GHR: variants seen among roughly 807,000 people sequenced by gnomAD.
GHR encodes growth hormone receptor, also known as GH receptor.
A neutral mutation model predicts 67.1 loss-of-function variants in GHR; 35 were observed. The ratio of observed to expected loss-of-function variants is 0.52; its 90% confidence interval spans 0.40 to 0.69. GHR has a LOEUF of 0.69. Among genes scored for constraint, GHR ranks in the 30% least tolerant of loss-of-function variants. The pLI is 0.00. For synonymous variants in GHR, 272 were observed against 269.1 expected (o/e 1.01, Z -0.10); for missense variants, 792 against 764.6 (o/e 1.04, Z -0.42).
At chr5:42,690,295 C>A (rs1757364535) in intron 4 of GHR, among the ~76,000 whole-genome samples, 1 of 152,148 alleles carries the variant, frequency 6.6e-6, no homozygotes, top group African/African-American at 2.4e-5. Context: ...ACTTTCTCAC[C>A]AAGGAATACT....
intron 1 of GHR, among the ~76,000 whole-genome samples, chr5:42,543,999 A>G (rs1046073973): frequency 2.0e-5 from 3 of 152,078 alleles, no homozygotes; most frequent in Non-Finnish European, 4.4e-5. Flanking sequence ...TTGACCAGCT[A>G]TTCTGGCACT....
intron 3 of GHR, among the ~76,000 whole-genome samples, chr5:42,668,665 T>C (rs769925060): frequency 6.6e-6 from 1 of 152,170 alleles, no homozygotes; most frequent in Non-Finnish European, 1.5e-5. Context: ...TAAATATTAA[T>C]ATAAAAATGT....
intron 1 of GHR, among the ~76,000 whole-genome samples, chr5:42,507,929 G>A (rs1216006605): frequency 1.3e-5 from 2 of 152,216 alleles, no homozygotes; most frequent in Non-Finnish European, 2.9e-5. Flanking sequence ...GCCCGCAGCA[G>A]TCAGCCTCCT....
intron 1 of GHR, among the ~76,000 whole-genome samples, chr5:42,431,109 T>A (rs1433795551): frequency 6.6e-6 from 1 of 152,182 alleles, no homozygotes; most frequent in Admixed American, 6.5e-5. Context: ...CATTTAATTA[T>A]CAAATTTCTC....
intron 3 of GHR, among the ~76,000 whole-genome samples, chr5:42,658,600 G>A (rs1755387185): frequency 6.6e-6 from 1 of 152,160 alleles, no homozygotes; most frequent in African/African-American, 2.4e-5. Context: ...GCTTTATAAA[G>A]TGAATTATAA....
chr5:42,555,974 C>T (rs538737513), intron 1 of GHR, among the ~76,000 whole-genome samples: 2 of 152,266 alleles, frequency 1.3e-5, no homozygotes, highest in South Asian at 2.1e-4. Context: ...GTCACCAGCT[C>T]GGACAATGCT....
chr5:42,481,522 C>T (rs1339414153), intron 1 of GHR, among the ~76,000 whole-genome samples: 1 of 152,214 alleles, frequency 6.6e-6, no homozygotes, highest in African/African-American at 2.4e-5. Context: ...CTTTCAGGTA[C>T]ACCAATCAGA....
rs551424365 is a variant in GHR, at chr5:42,583,582, C to G, written c.70+17638C>G. On this transcript the variant is annotated intron_variant, in intron 2 of 9. Transcript: ENST00000230882. ...ATGATGTCTACAGACTACAGCTATG[C>G]CAGAAATCGTTAGGATGGCCTCCAG... is the stretch of plus-strand genomic sequence containing the variant. Among the ~76,000 whole-genome samples the G allele has an allele frequency of 1.1e-3, 170 of 152,248 alleles. 1 individual carries two copies. Among genetic ancestry groups the G allele is most frequent in the African/African-American group, 4.0e-3 (168 of 41,534 alleles).
chr5:42,499,890 A>C (rs1006384798), intron 1 of GHR, among the ~76,000 whole-genome samples: 2 of 152,204 alleles, frequency 1.3e-5, no homozygotes, highest in African/African-American at 2.4e-5. Flanking sequence ...AGGTCACATA[A>C]ATGTGTGAAA....
At chr5:42,649,683 G>T (rs1412217714) in intron 3 of GHR, among the ~76,000 whole-genome samples, 1 of 152,128 alleles carries the variant, frequency 6.6e-6, no homozygotes, top group African/African-American at 2.4e-5. Context: ...CTCTGGATAA[G>T]CAGCATCCTT....
chr5:42,479,090 A>G (rs1001420067), intron 1 of GHR, among the ~76,000 whole-genome samples: 3 of 152,334 alleles, frequency 2.0e-5, no homozygotes, highest in African/African-American at 7.2e-5. Flanking sequence ...AGTTTTTAGC[A>G]TGAAGCATTG....
Position 42,431,166 on chromosome 5 carries a change from T to C in GHR, c.-12+7211T>C, listed in dbSNP as rs534200670. Among the ~76,000 whole-genome samples, 21 of 152,300 alleles carry C rather than the reference T, an allele frequency of 1.4e-4. 1 individual carries two copies. The South Asian group carries it at 4.1e-3, about 30-fold the overall frequency. ...CAAAAAATGTTTGCCTATTTTATTC[T>C]CTCATCATTAATTTTTAATCAATTA... is the stretch of plus-strand genomic sequence containing the variant. On this transcript the variant is annotated intron_variant, in intron 1 of 9. Transcript: ENST00000230882.
chr5:42,596,775 C>T (rs764369836), intron 2 of GHR, among the ~76,000 whole-genome samples: 28 of 152,148 alleles, frequency 1.8e-4, no homozygotes, highest in Non-Finnish European at 2.9e-4. Flanking sequence ...TCTTCCAAAG[C>T]ACTTAGCAGG....
At chr5:42,437,936 T>A (rs941933679) in intron 1 of GHR, among the ~76,000 whole-genome samples, 1 of 152,060 alleles carries the variant, frequency 6.6e-6, no homozygotes, top group African/African-American at 2.4e-5. Context: ...CATAAGCTAC[T>A]TTTCTGACTG....
chr5:42,558,685 A>G (rs1207247319), intron 1 of GHR, among the ~76,000 whole-genome samples: 2 of 152,236 alleles, frequency 1.3e-5, no homozygotes, highest in African/African-American at 4.8e-5. Context: ...GCAATAGGCT[A>G]TCCCATATAG....
chr5:42,715,123 C>T (rs1267870816), intron 8 of GHR: 2 of 344,566 alleles, frequency 5.8e-6, no homozygotes, highest in Admixed American at 3.3e-5. Context: ...GTCAAAATCA[C>T]CAAATTCTAC....
intron 1 of GHR, among the ~76,000 whole-genome samples, chr5:42,491,205 A>C (rs1317124338): frequency 2.0e-5 from 3 of 152,236 alleles, no homozygotes; most frequent in Non-Finnish European, 4.4e-5. Flanking sequence ...TTGAATCCTG[A>C]ACTTGCTTTC....
At chr5:42,581,602 G>A (rs1364284445) in intron 2 of GHR, among the ~76,000 whole-genome samples, 4 of 152,218 alleles carry the variant, frequency 2.6e-5, no homozygotes, top group African/African-American at 9.6e-5. Context: ...GAAGTTTTCT[G>A]AAAAATACAA....
intron 1 of GHR, among the ~76,000 whole-genome samples, chr5:42,497,765 A>G (rs190895005): frequency 1.3e-5 from 2 of 152,342 alleles, no homozygotes; most frequent in South Asian, 2.1e-4. Context: ...ACTGCTGGCT[A>G]TGAAAGGGAT....
Sources: allele counts gnomAD v4.1 joint callset (sites outside exome capture counted in the v4.1 genomes callset), GRCh38; gene constraint gnomAD v4.1.1; transcripts MANE v1.5; gene names NCBI Gene and HGNC (gene_info 2026-07-23, HGNC 2026-07-21).